Variants in ADAM19 observed in about 807,000 individuals in gnomAD.
The protein encoded by ADAM19 is disintegrin and metalloproteinase domain-containing protein 19.
A neutral mutation model predicts 114.7 loss-of-function variants in ADAM19; 65 were observed. The ratio of observed to expected loss-of-function variants is 0.57; its 90% confidence interval spans 0.46 to 0.70. The LOEUF is 0.70. Among genes scored for constraint, ADAM19 ranks in the 30% least tolerant of loss-of-function variants. The pLI is 0.00. For synonymous variants in ADAM19, 466 were observed against 460.5 expected (o/e 1.01, Z -0.15); for missense variants, 1,063 against 1,204.7 (o/e 0.88, Z 1.74).
chr5:157,547,535 A>C lies in ADAM19; in HGVS notation c.252-9544T>G, dbSNP rs114232093. Among the ~76,000 whole-genome samples the C allele has an allele frequency of 4.4e-3, 676 of 152,318 alleles. 8 individuals are homozygous for C. Among genetic ancestry groups the C allele is most frequent in the African/African-American group, 0.016 (650 of 41,568 alleles). ...TTTCACCATGGGGTAGCATAGCAAG[A>C]AGGCCCTCATGAGACGCTGATACCT... On this transcript the variant is annotated intron_variant, in intron 3 of 22. Transcript: ENST00000257527.
In ADAM19 at chr5:157,496,946, G is replaced by C; in HGVS notation, c.1542C>G (p.Tyr514Ter). The C allele has an allele frequency of 6.3e-7, 1 of 1,598,482 alleles. No individual in the cohort carries two copies. The highest frequency in any genetic ancestry group is 8.5e-7 in the Non-Finnish European group (1 of 1,173,480). ...TPCEGGQAYC[Y>*]NGMCLTYQEQ... is the part of the protein sequence containing the mutation. ...CCTGGTAGGTGAGGCACATGCCGTT[G>C]TAGCAGTAGGCCTGGCCGCCCTCAC... Residue 514 changes from tyrosine (Y) to a stop codon, truncating the protein, a stop_gained, in exon 14 of 23, where the codon TAC becomes TAG. Transcript: ENST00000257527. LOFTEE classifies it high-confidence loss of function.
Position 157,479,360 on chromosome 5 carries a change from G to A in ADAM19, c.*1589C>T. The A allele has an allele frequency of 1.0e-6, 1 of 986,088 alleles. No homozygotes were observed. Among genetic ancestry groups the A allele is most frequent in the Non-Finnish European group, 1.2e-6 (1 of 830,122 alleles). The allele number at this position is 986,088 out of a possible 1,614,324, so 61.1% of individuals were successfully genotyped here. A position where few individuals can be genotyped will look rare whatever the true frequency, so the allele number is the denominator to read the frequency against. Reference sequence around the variant, plus strand: ...TCAGAAGCTCAGCCTCAGCCTTGCAGTGAGGTTTTCAAGAGCAAACAATTG... The same window carrying A: ...TCAGAAGCTCAGCCTCAGCCTTGCAATGAGGTTTTCAAGAGCAAACAATTG... On this transcript the variant is annotated 3_prime_UTR_variant, in exon 23 of 23. Transcript: ENST00000257527.
intron 10 of ADAM19, among the ~76,000 whole-genome samples, chr5:157,506,501 T>A (rs1755746840): frequency 6.6e-6 from 1 of 152,218 alleles, no homozygotes. Flanking sequence ...CTAGAGCCTG[T>A]GGTTTTGGCC....
chr5:157,502,831 C>T lies in ADAM19; in HGVS notation c.1280G>A (p.Gly427Glu). The change falls in exon 12 of 23, where the codon GGG becomes GAG. Residue 427 changes from glycine (G) to glutamate (E), a missense_variant. Gly to Glu is a moderately conservative substitution (Grantham distance 98). Coordinates refer to ENST00000257527, the MANE Select transcript of ADAM19 (RefSeq NM_033274.5). ...TTCTTCTCCACAGTCACACTCTTCC[C>T]CATCTTCCAGATACCCGTTCCCACA... Reference protein sequence around the residue: ...RRCGNGYLEDGEECDCGEEEE... With the variant: ...RRCGNGYLEDEEECDCGEEEE... 6.2e-7 allele frequency: 1 copy of T among 1,614,236 alleles called. No individual in the cohort carries two copies.
intron 1 of ADAM19, among the ~76,000 whole-genome samples, chr5:157,572,098 T>A (rs1193701230): frequency 7.9e-5 from 12 of 152,008 alleles, no homozygotes; most frequent in Non-Finnish European, 1.6e-4. Flanking sequence ...GTTTTTTTTT[T>A]CTTTTGAGAC....
intron 1 of ADAM19, 46 bp downstream of exon 1, chr5:157,575,557 G>A (rs1757949698): frequency 2.2e-6 from 3 of 1,395,174 alleles, no homozygotes; most frequent in Admixed American, 2.8e-5. Flanking sequence ...CTACTCCCAG[G>A]TCTCCGGGCC....
intron 13 of ADAM19, among the ~76,000 whole-genome samples, chr5:157,498,992 C>A (rs778780359): frequency 6.6e-6 from 1 of 152,004 alleles, no homozygotes; most frequent in Non-Finnish European, 1.5e-5. Context: ...TCTACGGTAA[C>A]ACTAGCAGCA....
intron 4 of ADAM19, 122 bp from the exon 5 acceptor site, chr5:157,531,005 T>C: frequency 1.4e-6 from 1 of 740,690 alleles, no homozygotes; most frequent in Non-Finnish European, 2.4e-6. Context: ...TTATAGCACC[T>C]TACAACCTGC....
intron 4 of ADAM19, among the ~76,000 whole-genome samples, chr5:157,531,916 G>T (rs80346683): frequency 0.085 from 13,002 of 152,176 alleles, 730 homozygotes; most frequent in South Asian, 0.16. Flanking sequence ...CTTGGAGGGA[G>T]TATGGCCCCG....
At chr5:157,551,222 T>C (rs1757184854) in intron 3 of ADAM19, among the ~76,000 whole-genome samples, 1 of 151,852 alleles carries the variant, frequency 6.6e-6, no homozygotes, top group African/African-American at 2.4e-5. Context: ...CTGGCCAACA[T>C]GGTGAAATCC....
intron 3 of ADAM19, among the ~76,000 whole-genome samples, chr5:157,563,859 G>A (rs1175139106): frequency 3.3e-5 from 5 of 152,182 alleles, no homozygotes; most frequent in African/African-American, 7.2e-5. Flanking sequence ...TGGAAGAGCC[G>A]GGCCCGATGT....
intron 3 of ADAM19, among the ~76,000 whole-genome samples, chr5:157,549,786 G>A (rs1757139336): frequency 6.6e-6 from 1 of 152,172 alleles, no homozygotes; most frequent in African/African-American, 2.4e-5. Flanking sequence ...CTACATAGAG[G>A]TGCTCAATCA....
rs5872512 is a variant in ADAM19 at position 157,497,570 on chromosome 5, T to TACACAC, written c.1399-487_1399-482dup. On this transcript the variant is annotated intron_variant, in intron 13 of 22. Transcript: ENST00000257527. ...GTGGCAGAGGAGCCAGGCCCACTAATACACACACACACACACACACACACA... is the reference window on the plus strand; with the variant it reads ...GTGGCAGAGGAGCCAGGCCCACTAATACACACACACACACACACACACACACACACA... Among the ~76,000 whole-genome samples, 97 of 116,754 alleles carry TACACAC rather than the reference T, an allele frequency of 8.3e-4. 1 individual carries two copies. Among genetic ancestry groups the TACACAC allele is most frequent in the East Asian group, 2.2e-3 (11 of 4,938 alleles). The allele number at this position is 116,754 out of a possible 152,430, so 76.6% of individuals were successfully genotyped here.
At chr5:157,496,859 G>T (rs761123779) in intron 14 of ADAM19, 35 bp downstream of exon 14, 2 of 1,498,752 alleles carry the variant, frequency 1.3e-6, no homozygotes, top group East Asian at 2.7e-5. Context: ...GAAGTGGTGG[G>T]CTGGGGAGAG....
chr5:157,481,816 CG>C lies in ADAM19; in HGVS notation c.2677del (p.Arg893GlyfsTer21), dbSNP rs1561837483. 1.3e-6 allele frequency: 2 copies of C among 1,578,254 alleles called. No homozygotes were observed. Among genetic ancestry groups the C allele is most frequent in the Non-Finnish European group, 8.6e-7 (1 of 1,161,052 alleles). ...CTTTGGGGCAAGTGCTGCCAGAGGC[CG>C]GGACTGCTGAGGGCCAGCACCAGGG... ...RPPGAGPQQS[R>X]PLAALAPKFP... On this transcript the variant is annotated frameshift_variant, in exon 22 of 23. Transcript: ENST00000257527. LOFTEE classifies it high-confidence loss of function.
At chr5:157,509,595 TA>T (rs949091894) in intron 8 of ADAM19, 128 bp from the exon 9 acceptor site, 159 of 808,964 alleles carry the variant, frequency 2.0e-4, no homozygotes, top group Middle Eastern at 4.1e-4. Context: ...AAAATAAATT[TA>T]AAAAAAAAGC....
At chr5:157,521,240 T>G (rs933429611) in intron 5 of ADAM19, among the ~76,000 whole-genome samples, 1 of 152,126 alleles carries the variant, frequency 6.6e-6, no homozygotes, top group Non-Finnish European at 1.5e-5. Context: ...CTGCCAACCT[T>G]GATACAATGA....
At chr5:157,551,851 A>G (rs1255250430) in intron 3 of ADAM19, among the ~76,000 whole-genome samples, 1 of 152,204 alleles carries the variant, frequency 6.6e-6, no homozygotes, top group East Asian at 1.9e-4. Flanking sequence ...CTTCAGAGAA[A>G]TGCAAATCAA....
rs960900213 is a variant in ADAM19, at chr5:157,536,809, C to T, written c.330+1104G>A. On this transcript the variant is annotated intron_variant, in intron 4 of 22. Coordinates refer to ENST00000257527, the MANE Select transcript of ADAM19 (RefSeq NM_033274.5). ...TAGAACACTCAGGTTCCATGAGAAG[C>T]TGCTGAAGGAGTCCTGATGCAGAGG... is the stretch of plus-strand genomic sequence containing the variant. Among the ~76,000 whole-genome samples the T allele has an allele frequency of 1.8e-4, 27 of 152,318 alleles. 2 individuals carry two copies. The highest frequency in any genetic ancestry group is 3.4e-3 in the Middle Eastern group (1 of 294).
Sources: allele counts gnomAD v4.1 joint callset (sites outside exome capture counted in the v4.1 genomes callset), GRCh38; gene constraint gnomAD v4.1.1; transcripts MANE v1.5; gene names NCBI Gene and HGNC (gene_info 2026-07-23, HGNC 2026-07-21).